Variants in UNC79 observed in about 807,000 individuals in gnomAD.
The protein encoded by UNC79 is unc-79 subunit of NALCN channel complex.
A neutral mutation model predicts 283.1 loss-of-function variants in UNC79; 37 were observed. The ratio of observed to expected loss-of-function variants is 0.13; its 90% confidence interval spans 0.10 to 0.17. UNC79 has a LOEUF of 0.17. Among genes scored for constraint, UNC79 ranks in the 10% least tolerant of loss-of-function variants. The pLI, the probability that UNC79 is intolerant of heterozygous loss-of-function variation, is 1.00. For synonymous variants in UNC79, 1,107 were observed against 1,200.2 expected, an observed-to-expected ratio of 0.92 and a Z score of 1.61; for missense variants, 2,272 against 3,211.1, an observed-to-expected ratio of 0.71 and a Z score of 7.07.
At chr14:93,660,353 C>G (rs185245559) in intron 39 of UNC79, among the ~76,000 whole-genome samples, 32 of 151,726 alleles carry the variant, frequency 2.1e-4, no homozygotes, top group Non-Finnish European at 4.0e-4. Flanking sequence ...GAACATAAGT[C>G]TTTTGGGTCC....
In UNC79 at chr14:93,474,379, A is replaced by G; in HGVS notation, c.434A>G (p.Gln145Arg). 6.5e-7 allele frequency: 1 copy of G among 1,535,352 alleles called. No individual in the cohort carries two copies. Among genetic ancestry groups the G allele is most frequent in the South Asian group, 1.2e-5 (1 of 84,006 alleles). The change falls in exon 3 of 49, where the codon CAG becomes CGG. Residue 145 changes from glutamine (Q) to arginine (R), a missense_variant. Transcript: ENST00000555664. The surrounding 1 kb of genome is among the most constrained non-coding windows in gnomAD (Gnocchi z 4.1). ...CTCCTGGATCTAGTTCCTTTACTAC[A>G]GCACGGCCAACACGGTGAGCACTTA...
intron 14 of UNC79, among the ~76,000 whole-genome samples, chr14:93,547,400 C>T (rs55872633): frequency 0.11 from 5,153 of 48,142 alleles, 180 homozygotes; most frequent in Admixed American, 0.3. Flanking sequence ...AAGCGTCCCT[C>T]TGGGAAATTT....
At chr14:93,696,291 G>A (rs1262373041) in intron 47 of UNC79, among the ~76,000 whole-genome samples, 1 of 152,082 alleles carries the variant, frequency 6.6e-6, no homozygotes, top group Non-Finnish European at 1.5e-5. Flanking sequence ...ATGTCTTTGT[G>A]TACATATATG....
chr14:93,561,325 G>T (rs1361569081), intron 14 of UNC79, among the ~76,000 whole-genome samples: 1 of 152,122 alleles, frequency 6.6e-6, no homozygotes, highest in African/African-American at 2.4e-5. Context: ...AAGGAGAAAG[G>T]TTTTTAAAGT....
chr14:93,509,924 G>A (rs983378043), intron 7 of UNC79, among the ~76,000 whole-genome samples: 6 of 152,146 alleles, frequency 3.9e-5, no homozygotes, highest in Non-Finnish European at 5.9e-5. Flanking sequence ...GAGGTTCTCC[G>A]TGAACGCTCT....
chr14:93,535,134 G>A (rs536352534), intron 11 of UNC79, among the ~76,000 whole-genome samples: 34 of 152,326 alleles, frequency 2.2e-4, no homozygotes, highest in African/African-American at 7.5e-4. Context: ...AAAATTCAAA[G>A]CAGTGAAGCA....
chr14:93,409,713 T>TA (rs2055297702), intron 1 of UNC79, among the ~76,000 whole-genome samples: 1 of 151,914 alleles, frequency 6.6e-6, no homozygotes, highest in Admixed American at 6.6e-5. Flanking sequence ...AATGGAAACA[T>TA]ATATAAAAAA....
chr14:93,358,807 C>T (rs1399954266), intron 1 of UNC79, among the ~76,000 whole-genome samples: 3 of 152,190 alleles, frequency 2.0e-5, no homozygotes, highest in South Asian at 2.1e-4. Context: ...ATGGCCTCCC[C>T]TGTGTCAGTT....
At chr14:93,652,408 A>G (rs972266839) in intron 35 of UNC79, among the ~76,000 whole-genome samples, 1 of 152,080 alleles carries the variant, frequency 6.6e-6, no homozygotes, top group Non-Finnish European at 1.5e-5. Flanking sequence ...GGTGTGTGCC[A>G]CCATGCCCAG....
intron 24 of UNC79, among the ~76,000 whole-genome samples, chr14:93,598,805 A>C (rs1596012287): frequency 6.6e-6 from 1 of 152,372 alleles, no homozygotes; most frequent in East Asian, 1.9e-4. Context: ...TAGAGGCCTG[A>C]GCCACCACTG....
intron 30 of UNC79, among the ~76,000 whole-genome samples, chr14:93,629,373 T>C (rs1021568679): frequency 6.6e-6 from 1 of 152,216 alleles, no homozygotes; most frequent in Non-Finnish European, 1.5e-5. Flanking sequence ...GTAAGAGAGA[T>C]AATTATGCAT....
chr14:93,370,557 G>C (rs2054422075), intron 1 of UNC79, among the ~76,000 whole-genome samples: 1 of 152,224 alleles, frequency 6.6e-6, no homozygotes, highest in Admixed American at 6.5e-5. Flanking sequence ...CAGATCACGA[G>C]GTCAGGAGAT....
intron 4 of UNC79, among the ~76,000 whole-genome samples, chr14:93,487,014 A>G (rs1352331261): frequency 6.6e-6 from 1 of 152,200 alleles, no homozygotes; most frequent in Admixed American, 6.5e-5. Flanking sequence ...ATGAATATGA[A>G]GATGGTAAGC....
chr14:93,572,665 C>A lies in UNC79; in HGVS notation c.1947-28C>A. On this transcript the variant is annotated intron_variant, in intron 15 of 48. Coordinates refer to ENST00000555664, the Ensembl canonical transcript of UNC79. ...TAGAACCCAATCTATGCCCATTGGT[C>A]ATTTACTTTTGTTGCTCTGCTTTCC... 3 of 1,612,536 alleles carry A rather than the reference C, an allele frequency of 1.9e-6. No individual in the cohort carries two copies. In the South Asian group the frequency reaches 3.3e-5, roughly 18 times the overall value.
chr14:93,535,815 C>T (rs1217175041), intron 11 of UNC79, among the ~76,000 whole-genome samples: 3 of 152,114 alleles, frequency 2.0e-5, no homozygotes, highest in African/African-American at 4.8e-5. Flanking sequence ...GTGGAAGCTG[C>T]GTGTCCTTTT....
At chr14:93,623,382 C>A (rs1462084869) in intron 30 of UNC79, among the ~76,000 whole-genome samples, 6 of 152,152 alleles carry the variant, frequency 3.9e-5, no homozygotes, top group Non-Finnish European at 8.8e-5. Flanking sequence ...CAGCCTAGAC[C>A]CTAACCCACG....
At chr14:93,407,500 A>G (rs2055250345) in intron 1 of UNC79, among the ~76,000 whole-genome samples, 2 of 152,156 alleles carry the variant, frequency 1.3e-5, no homozygotes, top group Non-Finnish European at 1.5e-5. Flanking sequence ...TTCTCATGAT[A>G]AAGTGCTGAG....
At chr14:93,341,217 G>A (rs1217138938) in intron 1 of UNC79, among the ~76,000 whole-genome samples, 2 of 152,104 alleles carry the variant, frequency 1.3e-5, no homozygotes, top group African/African-American at 2.4e-5. Context: ...TTGGGAGGCC[G>A]AGGTGGGTGG....
chr14:93,465,188 A>C (rs932509831), intron 1 of UNC79, among the ~76,000 whole-genome samples: 1 of 152,160 alleles, frequency 6.6e-6, no homozygotes, highest in African/African-American at 2.4e-5. Flanking sequence ...CTAAGGATGA[A>C]GAGTCCACAA....
Sources: allele counts gnomAD v4.1 joint callset (sites outside exome capture counted in the v4.1 genomes callset), GRCh38; gene constraint gnomAD v4.1.1; non-coding constraint Gnocchi (gnomAD v3.1); transcripts MANE v1.5; gene names NCBI Gene and HGNC (gene_info 2026-07-23, HGNC 2026-07-21).